GAL3ST2: variants seen among roughly 807,000 people sequenced by gnomAD.
GAL3ST2 encodes the protein beta-galactose-3-O-sulfotransferase 2.
GAL3ST2 carries 16 observed loss-of-function variants against 12.9 expected under a neutral mutation model. The observed-to-expected ratio is 1.24, with a 90% confidence interval of 0.84 to 1.88. The LOEUF (loss-of-function observed/expected upper bound fraction) is 1.88, where lower values mean the gene tolerates loss of function less well. GAL3ST2 is among the 40% of genes most tolerant of loss of function. GAL3ST2 has a pLI of 0.00. For synonymous variants in GAL3ST2, 302 were observed against 273.9 expected (o/e 1.10, Z -1.01); for missense variants, 639 against 571.8 (o/e 1.12, Z -1.20).
chr2:241,797,452 A>T (rs1418891033), intron 1 of GAL3ST2, among the ~76,000 whole-genome samples: 1 of 152,224 alleles, frequency 6.6e-6, no homozygotes, highest in Admixed American at 6.5e-5. Context: ...CTTCGGGATT[A>T]TGCTAAAATT....
intron 1 of GAL3ST2, among the ~76,000 whole-genome samples, chr2:241,782,659 G>T (rs1699579200): frequency 6.6e-6 from 1 of 152,136 alleles, no homozygotes; most frequent in South Asian, 2.1e-4. Flanking sequence ...TTCTGACTCT[G>T]TGTTTCAATA....
intron 2 of GAL3ST2, 50 bp downstream of exon 2, chr2:241,799,204 C>T (rs1382096134): frequency 2.7e-6 from 4 of 1,503,786 alleles, no homozygotes; most frequent in Non-Finnish European, 3.7e-6. Flanking sequence ...TCCTAACAGC[C>T]CCGAGGACAG....
chr2:241,793,486 T>C lies in GAL3ST2; in HGVS notation c.30-5579T>C, dbSNP rs1699725797. On this transcript the variant is annotated intron_variant, in intron 1 of 3. Coordinates refer to ENST00000192314, the MANE Select transcript of GAL3ST2 (RefSeq NM_022134.3). The surrounding 1 kb of genome is among the most constrained non-coding windows in gnomAD (Gnocchi z 4.7). ...TGTATGTGTATGCATGTGTATTATA[T>C]GTACATATTGTGTATGTGTGTGTAT... 6.6e-6 allele frequency among the ~76,000 whole-genome samples: 1 copy of C among 152,152 alleles called. No individual in the cohort carries two copies. Among genetic ancestry groups the C allele is most frequent in the Non-Finnish European group, 1.5e-5 (1 of 68,028 alleles).
chr2:241,788,644 CGTG>C (rs1699655861), intron 1 of GAL3ST2, among the ~76,000 whole-genome samples: 1 of 152,132 alleles, frequency 6.6e-6, no homozygotes, highest in Non-Finnish European at 1.5e-5. Context: ...CAGGGGGCCT[CGTG>C]GGAGTGTCTA....
Position 241,800,742 on chromosome 2 carries a change from G to T in GAL3ST2, c.120-1039G>T, listed in dbSNP as rs1292805518. Among the ~76,000 whole-genome samples, 1 of 152,216 alleles carries T rather than the reference G, an allele frequency of 6.6e-6. No homozygotes were observed. Among genetic ancestry groups the T allele is most frequent in the East Asian group, 1.9e-4 (1 of 5,192 alleles). Reference sequence around the variant, plus strand: ...TCAGCGAGGCAGCGTCTGGCAGCGGGTGAGCTGCACCTGCTTTAACGTTGT... The same window carrying T: ...TCAGCGAGGCAGCGTCTGGCAGCGGTTGAGCTGCACCTGCTTTAACGTTGT... On this transcript the variant is annotated intron_variant, in intron 2 of 3. Coordinates refer to ENST00000192314, the MANE Select transcript of GAL3ST2 (RefSeq NM_022134.3). The surrounding 1 kb of genome is among the most constrained non-coding windows in gnomAD (Gnocchi z 5.2).
rs1240472833 is a variant in GAL3ST2, at chr2:241,803,661, A to G, written c.692A>G (p.Asp231Gly). Residue 231 changes from aspartate to glycine, a missense_variant, in exon 4 of 4, where the codon GAC becomes GGC. Coordinates refer to ENST00000192314, the MANE Select transcript of GAL3ST2 (RefSeq NM_022134.3). ...FRLVLIAEHL[D>G]ESLVLLRRRL... Reference sequence around the variant, plus strand: ...CTGGTGCTCATCGCCGAGCACCTGGACGAGTCCCTGGTGCTGCTGCGGCGC... The same window carrying G: ...CTGGTGCTCATCGCCGAGCACCTGGGCGAGTCCCTGGTGCTGCTGCGGCGC... 1 of 1,549,362 alleles carries G rather than the reference A, an allele frequency of 6.5e-7. No individual in the cohort carries two copies. Among genetic ancestry groups the G allele is most frequent in the Non-Finnish European group, 8.7e-7 (1 of 1,146,200 alleles).
At chr2:241,796,398 T>A (rs899941472) in intron 1 of GAL3ST2, among the ~76,000 whole-genome samples, 6 of 151,956 alleles carry the variant, frequency 3.9e-5, no homozygotes, top group African/African-American at 1.5e-4. Flanking sequence ...CAAAGCAGGC[T>A]CGGAGCACCC....
Position 241,800,798 on chromosome 2 carries a change from GAA to G in GAL3ST2, c.120-979_120-978del, listed in dbSNP as rs1372692666. The G allele has an allele frequency of 5.9e-5, 9 of 152,192 alleles. No individual in the cohort carries two copies. Among genetic ancestry groups the G allele is most frequent in the Non-Finnish European group, 8.8e-5 (6 of 68,034 alleles). 9.4% of individuals were successfully genotyped at this position (152,192 alleles called of 1,614,324 possible). ...TCAAGGCCAGCGTTTGGGTGTCAGA[GAA>G]AAAGAAAACTCCCGTGGCAGGTAGA... On this transcript the variant is annotated intron_variant, in intron 2 of 3. Coordinates refer to ENST00000192314, the MANE Select transcript of GAL3ST2 (RefSeq NM_022134.3). This position sits in a 1 kb window ranked among gnomAD's most constrained non-coding sequence, Gnocchi z 5.2.
intron 1 of GAL3ST2, among the ~76,000 whole-genome samples, chr2:241,798,657 A>G (rs1699804111): frequency 6.6e-6 from 1 of 151,366 alleles, no homozygotes; most frequent in Admixed American, 6.6e-5. Flanking sequence ...ATTGCACCAA[A>G]CTCTCAGCCT....
At position 241,804,234 on chromosome 2, in the gene GAL3ST2, C is replaced by T. The variant is rs1247397488; in HGVS notation, c.*68C>T. On this transcript the variant is annotated 3_prime_UTR_variant, in exon 4 of 4. Coordinates refer to ENST00000192314, the MANE Select transcript of GAL3ST2 (RefSeq NM_022134.3). Reference sequence around the variant, plus strand: ...CTCTCTCCGCCGTCACCGGGGAGGCCGGGGATCCTTGCAGGGCTTCTGGGG... The same window carrying T: ...CTCTCTCCGCCGTCACCGGGGAGGCTGGGGATCCTTGCAGGGCTTCTGGGG... 4 of 1,305,624 alleles carry T rather than the reference C, an allele frequency of 3.1e-6. No homozygotes were observed. The highest frequency in any genetic ancestry group is 4.0e-6 in the Non-Finnish European group (4 of 1,000,762). 80.9% of individuals were successfully genotyped at this position (1,305,624 alleles called of 1,614,324 possible).
chr2:241,786,175 G>A (rs1699626064), intron 1 of GAL3ST2, among the ~76,000 whole-genome samples: 1 of 151,592 alleles, frequency 6.6e-6, no homozygotes, highest in Admixed American at 6.6e-5. Context: ...GTGTGTTGGG[G>A]GGGATCTTAA....
chr2:241,797,143 G>A (rs915850385), intron 1 of GAL3ST2, among the ~76,000 whole-genome samples: 1 of 152,232 alleles, frequency 6.6e-6, no homozygotes, highest in African/African-American at 2.4e-5. Context: ...ACAGGCGTGA[G>A]CTGCCGCGCC....
chr2:241,792,745 G>A (rs915389762), intron 1 of GAL3ST2, among the ~76,000 whole-genome samples: 11 of 152,102 alleles, frequency 7.2e-5, no homozygotes, highest in African/African-American at 2.7e-4. Flanking sequence ...AAGAGAAAAC[G>A]GGGGGAAATG....
chr2:241,804,255 T>A lies in GAL3ST2; in HGVS notation c.*89T>A. 8.5e-7 allele frequency: 1 copy of A among 1,175,808 alleles called. No individual in the cohort carries two copies. The highest frequency in any genetic ancestry group is 4.1e-5 in the Admixed American group (1 of 24,514). 72.8% of individuals were successfully genotyped at this position (1,175,808 alleles called of 1,614,324 possible). Reference sequence around the variant, plus strand: ...AGGCCGGGGATCCTTGCAGGGCTTCTGGGGCGTTGGGAAACCCAGGCCCGC... The same window carrying A: ...AGGCCGGGGATCCTTGCAGGGCTTCAGGGGCGTTGGGAAACCCAGGCCCGC... On this transcript the variant is annotated 3_prime_UTR_variant, in exon 4 of 4. Coordinates refer to ENST00000192314, the MANE Select transcript of GAL3ST2 (RefSeq NM_022134.3).
chr2:241,792,055 CCAG>C (rs1237033443), intron 1 of GAL3ST2, among the ~76,000 whole-genome samples: 5 of 149,256 alleles, frequency 3.3e-5, no homozygotes, highest in South Asian at 2.1e-4. Context: ...CTCTTGTCGC[CCAG>C]GCTGGAGTGC....
At position 241,804,226 on chromosome 2, in the gene GAL3ST2, G is replaced by T. The variant is rs1430861902; in HGVS notation, c.*60G>T. 5.3e-6 allele frequency: 7 copies of T among 1,315,204 alleles called. No individual in the cohort carries two copies. The highest frequency in any genetic ancestry group is 1.8e-5 in the South Asian group (1 of 54,980). 81.5% of individuals were successfully genotyped at this position (1,315,204 alleles called of 1,614,324 possible). ...ACCAGCTCCTCTCTCCGCCGTCACCGGGGAGGCCGGGGATCCTTGCAGGGC... is the reference window on the plus strand; with the variant it reads ...ACCAGCTCCTCTCTCCGCCGTCACCTGGGAGGCCGGGGATCCTTGCAGGGC... On this transcript the variant is annotated 3_prime_UTR_variant, in exon 4 of 4. Coordinates refer to ENST00000192314, the MANE Select transcript of GAL3ST2 (RefSeq NM_022134.3).
chr2:241,778,195 G>A (rs545769133), intron 1 of GAL3ST2, among the ~76,000 whole-genome samples: 1 of 152,224 alleles, frequency 6.6e-6, no homozygotes, highest in Non-Finnish European at 1.5e-5. Flanking sequence ...TTTTCCTGGG[G>A]TTGGGCAAGT....
chr2:241,776,972 G>A lies in GAL3ST2; in HGVS notation c.17G>A (p.Gly6Asp), dbSNP rs117755329. MMSML[G>D]GLQRYFRVIL... is the part of the protein sequence containing the mutation. ...GAGGCCAAGATGATGTCCATGCTGG[G>A]CGGCTTGCAGAGGTAAGGGGGGCAG... The change falls in exon 1 of 4, where the codon GGC (glycine) becomes GAC (aspartate). Residue 6 changes from glycine to aspartate, a missense_variant. Coordinates refer to ENST00000192314, the MANE Select transcript of GAL3ST2 (RefSeq NM_022134.3). The A allele has an allele frequency of 9.9e-4, 1,537 of 1,551,430 alleles. 32 individuals carry two copies. In the East Asian group the frequency reaches 0.033, roughly 33 times the overall value.
In GAL3ST2 at chr2:241,779,316, C is replaced by G. The variant is rs1259904691; in HGVS notation, c.29+2332C>G. On this transcript the variant is annotated intron_variant, in intron 1 of 3. Coordinates refer to ENST00000192314, the MANE Select transcript of GAL3ST2 (RefSeq NM_022134.3). ...TGGAGCGATCTCGGCTCACTGCAAGCTCCGCCTCCCGGGTTCACGCCATTC... is the reference window on the plus strand; with the variant it reads ...TGGAGCGATCTCGGCTCACTGCAAGGTCCGCCTCCCGGGTTCACGCCATTC... 2.0e-5 allele frequency among the ~76,000 whole-genome samples: 3 copies of G among 146,378 alleles called. No homozygotes were observed. The East Asian group carries it at 6.2e-4, about 30-fold the overall frequency.
Sources: allele counts gnomAD v4.1 joint callset (sites outside exome capture counted in the v4.1 genomes callset), GRCh38; gene constraint gnomAD v4.1.1; non-coding constraint Gnocchi (gnomAD v3.1); transcripts MANE v1.5; gene names NCBI Gene and HGNC (gene_info 2026-07-23, HGNC 2026-07-21).